The following RAD51B variants were observed in gnomAD, a reference collection of about 807,000 sequenced individuals.
RAD51B encodes the protein RAD51 paralog B, also known as DNA repair protein RAD51 homolog 2.
RAD51B carries 38 observed loss-of-function variants against 42.2 expected under a neutral mutation model. The observed-to-expected ratio is 0.90, with a 90% CI of 0.70 to 1.18. RAD51B has a LOEUF of 1.18. RAD51B is among the 50% of genes most tolerant of loss of function. RAD51B has a pLI of 0.00. For missense variants in RAD51B, 373 were observed against 400.7 expected (o/e 0.93, Z 0.59); for synonymous variants, 154 against 145.2 (o/e 1.06, Z -0.43).
rs560423689 is a variant in RAD51B, at chr14:67,832,555, G to A, written c.199-2525G>A. Among the ~76,000 whole-genome samples the A allele has an allele frequency of 4.6e-5, 7 of 152,116 alleles. No individual in the cohort carries two copies. The South Asian group carries it at 1.5e-3, about 32-fold the overall frequency. ...GTTTGTCCCCTTGCAGTAATATCTG[G>A]CAATTCTCTTAGTCTCAGTTTTTTT... On this transcript the variant is annotated intron_variant, in intron 3 of 10. Coordinates refer to ENST00000471583, the MANE Select transcript of RAD51B (RefSeq NM_133510.4).
intron 8 of RAD51B, chr14:68,339,380 G>A (rs779180059): frequency 3.0e-6 from 3 of 991,442 alleles, no homozygotes; most frequent in East Asian, 4.8e-5. Flanking sequence ...AGCGGGTGAG[G>A]TCTCTTTGGG....
intron 7 of RAD51B, among the ~76,000 whole-genome samples, chr14:68,244,291 A>T (rs1372211271): frequency 2.0e-5 from 3 of 152,360 alleles, no homozygotes; most frequent in East Asian, 3.8e-4. Flanking sequence ...TGCATTTCCT[A>T]GGAAATCGAG....
rs754710087 is a variant in RAD51B at position 68,422,115 on chromosome 14, T to C, written c.957+10588T>C. 3.6e-5 allele frequency: 53 copies of C among 1,460,248 alleles called. No homozygotes were observed. The Middle Eastern group carries it at 6.9e-4, about 19-fold the overall frequency. The allele number at this position is 1,460,248 out of a possible 1,614,324, so 90.5% of individuals were successfully genotyped here. On this transcript the variant is annotated intron_variant, in intron 9 of 10. Coordinates refer to ENST00000471583, the MANE Select transcript of RAD51B (RefSeq NM_133510.4). ...AAATTTTCTGCTGTCTTTGGGATCT[T>C]GTCTGCAAACAGCTCGAAGGAGACA...
At chr14:68,061,482 G>A (rs2076568396) in intron 7 of RAD51B, among the ~76,000 whole-genome samples, 1 of 152,122 alleles carries the variant, frequency 6.6e-6, no homozygotes, top group Non-Finnish European at 1.5e-5. Context: ...ATTGCTTTGG[G>A]TAAGATGGTC....
chr14:68,115,929 A>C (rs2077539268), intron 7 of RAD51B, among the ~76,000 whole-genome samples: 1 of 151,674 alleles, frequency 6.6e-6, no homozygotes, highest in East Asian at 1.9e-4. Context: ...CTGCATTATT[A>C]AGAGGTTCAG....
chr14:67,899,025 A>T (rs1411173398), intron 7 of RAD51B, among the ~76,000 whole-genome samples: 1 of 151,910 alleles, frequency 6.6e-6, no homozygotes, highest in Non-Finnish European at 1.5e-5. Flanking sequence ...TTGATTTTAC[A>T]TCTCTATTAA....
At chr14:67,952,652 T>C (rs1046439423) in intron 7 of RAD51B, among the ~76,000 whole-genome samples, 5 of 149,792 alleles carry the variant, frequency 3.3e-5, no homozygotes, top group African/African-American at 1.2e-4. Flanking sequence ...CTTAATGAAG[T>C]GAAGTAAGGA....
chr14:68,597,168 G>A (rs1891030983), downstream of RAD51B, among the ~76,000 whole-genome samples: 1 of 152,200 alleles, frequency 6.6e-6, no homozygotes, highest in South Asian at 2.1e-4. Flanking sequence ...TATTCTGGAA[G>A]AGGCAATCTG....
chr14:68,498,010 T>A (rs1450035289), intron 10 of RAD51B: 1 of 176,848 alleles, frequency 5.7e-6, no homozygotes, highest in East Asian at 9.6e-5. Flanking sequence ...CTATTTTCAA[T>A]TTTTTAAGGT....
intron 10 of RAD51B, among the ~76,000 whole-genome samples, chr14:68,474,960 C>T (rs571193702): frequency 2.6e-5 from 4 of 152,268 alleles, no homozygotes; most frequent in South Asian, 4.1e-4. Flanking sequence ...ACATGTCTAT[C>T]GAAGAGCCCA....
chr14:68,386,104 G>A (rs1211616258), intron 8 of RAD51B, among the ~76,000 whole-genome samples: 1 of 152,110 alleles, frequency 6.6e-6, no homozygotes, highest in Non-Finnish European at 1.5e-5. Flanking sequence ...TCAACATTTA[G>A]GGCAGTATCC....
intron 7 of RAD51B, among the ~76,000 whole-genome samples, chr14:68,141,434 A>G (rs2078126084): frequency 6.6e-6 from 1 of 152,214 alleles, no homozygotes; most frequent in South Asian, 2.1e-4. Flanking sequence ...GGGAAAGAAT[A>G]TACTACTAAA....
chr14:68,546,257 G>A (rs1888228696), intron 10 of RAD51B, among the ~76,000 whole-genome samples: 1 of 152,178 alleles, frequency 6.6e-6, no homozygotes, highest in African/African-American at 2.4e-5. Context: ...CTAATCCGGG[G>A]CTATGGTGGC....
intron 7 of RAD51B, among the ~76,000 whole-genome samples, chr14:68,163,424 A>G (rs1321497586): frequency 1.3e-5 from 2 of 152,142 alleles, no homozygotes; most frequent in Non-Finnish European, 2.9e-5. Flanking sequence ...ACTTGCTTTG[A>G]TATCTCACAT....
chr14:68,422,533 C>G (rs577050355), intron 9 of RAD51B, among the ~76,000 whole-genome samples: 1 of 128,504 alleles, frequency 7.8e-6, no homozygotes, highest in East Asian at 2.4e-4. Context: ...GCACTCCAGC[C>G]TGGGTGACAT....
At chr14:68,477,604 ATT>A (rs556474946) in intron 10 of RAD51B, 42 bp from the exon 11 acceptor site, 1 of 1,292,268 alleles carries the variant, frequency 7.7e-7, no homozygotes, top group Non-Finnish European at 1.0e-6. Flanking sequence ...TTTCATAACA[ATT>A]TTTTTTTTTC....
At position 67,887,163 on chromosome 14, in the gene RAD51B, G is replaced by A. The variant is rs1566942436; in HGVS notation, c.715G>A (p.Ala239Thr). The A allele has an allele frequency of 1.2e-6, 2 of 1,612,094 alleles. No homozygotes were observed. The highest frequency in any genetic ancestry group is 1.7e-6 in the Non-Finnish European group (2 of 1,178,892). The change falls in exon 7 of 11, where the codon GCA (alanine) becomes ACA (threonine). Residue 239 changes from alanine to threonine, a missense_variant. Physicochemically the swap from Ala to Thr is moderately conservative, Grantham distance 58 (BLOSUM62 0). Transcript: ENST00000471583. ...KERNKFLARE[A>T]SSLKYLAEEF... is the part of the protein sequence containing the mutation. ...AAGAAACAAGTTCTTGGCAAGAGAGGCATCCTCCTTGAAGTATTTGGCTGA... is the reference window on the plus strand; with the variant it reads ...AAGAAACAAGTTCTTGGCAAGAGAGACATCCTCCTTGAAGTATTTGGCTGA...
rs3073458 is a variant in RAD51B at position 68,184,625 on chromosome 14, C to CAAAAAAA, written c.757-107254_757-107248dup. Among the ~76,000 whole-genome samples, 24 of 132,362 alleles carry CAAAAAAA rather than the reference C, an allele frequency of 1.8e-4. 1 individual carries two copies. Among genetic ancestry groups the CAAAAAAA allele is most frequent in the African/African-American group, 3.1e-4 (11 of 35,046 alleles). The allele number at this position is 132,362 out of a possible 152,430, so 86.8% of individuals were successfully genotyped here. The stretch of plus-strand genomic sequence containing the variant: ...GCCCTGTCTAAAAAAAAAAAAAAAC[C>CAAAAAAA]AAAAAAAAAAACAGGAAGAAGAAGA... On this transcript the variant is annotated intron_variant, in intron 7 of 10. Coordinates refer to ENST00000471583, the MANE Select transcript of RAD51B (RefSeq NM_133510.4).
intron 7 of RAD51B, among the ~76,000 whole-genome samples, chr14:68,028,928 T>C (rs1262387554): frequency 6.6e-6 from 1 of 152,236 alleles, no homozygotes; most frequent in Non-Finnish European, 1.5e-5. Context: ...CCATGCTGGC[T>C]GAAGCCCTGA....
Sources: allele counts gnomAD v4.1 joint callset (sites outside exome capture counted in the v4.1 genomes callset), GRCh38; gene constraint gnomAD v4.1.1; transcripts MANE v1.5; gene names NCBI Gene and HGNC (gene_info 2026-07-23, HGNC 2026-07-21).